TRPM3: variants seen among roughly 807,000 people sequenced by gnomAD.
TRPM3 encodes the protein transient receptor potential cation channel subfamily M member 3.
Under a neutral mutation model 181.2 loss-of-function variants are expected in TRPM3, and 77 were observed. That is an observed-to-expected ratio of 0.42 (90% CI 0.35 to 0.51). The LOEUF is 0.51. Among genes scored for constraint, TRPM3 ranks in the 20% least tolerant of loss-of-function variants. The pLI, the probability that TRPM3 is intolerant of heterozygous loss-of-function variation, is 0.01. For synonymous variants in TRPM3, 745 were observed against 796.4 expected, an observed-to-expected ratio of 0.94 and a Z score of 1.09; for missense variants, 1,759 against 2,196.7, an observed-to-expected ratio of 0.80 and a Z score of 3.98.
chr9:70,910,249 G>T (rs1055646947), intron 1 of TRPM3, among the ~76,000 whole-genome samples: 13 of 152,124 alleles, frequency 8.5e-5, no homozygotes, highest in African/African-American at 2.9e-4. Context: ...ACAAAAACAT[G>T]GGTGATTCTC....
intron 1 of TRPM3, among the ~76,000 whole-genome samples, chr9:71,270,249 C>T (rs1230698591): frequency 6.6e-6 from 1 of 152,136 alleles, no homozygotes; most frequent in East Asian, 1.9e-4. Flanking sequence ...ACTCAGGAGG[C>T]TGAGGCAGAA....
chr9:70,676,517 C>T (rs937150806), intron 9 of TRPM3, among the ~76,000 whole-genome samples: 8 of 152,136 alleles, frequency 5.3e-5, no homozygotes, highest in Non-Finnish European at 1.5e-5. Context: ...CTGATAAACA[C>T]CAAAGAGTTT....
chr9:70,742,303 A>T (rs572547919), intron 8 of TRPM3, among the ~76,000 whole-genome samples: 27 of 152,110 alleles, frequency 1.8e-4, no homozygotes, highest in African/African-American at 3.6e-4. Flanking sequence ...TACAATGAAA[A>T]TTTTTTTAAA....
intron 1 of TRPM3, among the ~76,000 whole-genome samples, chr9:71,354,956 A>C (rs1426113185): frequency 1.3e-5 from 2 of 152,220 alleles, no homozygotes; most frequent in Non-Finnish European, 2.9e-5. Context: ...CATTCTTAAC[A>C]CGTAAATTAT....
intron 8 of TRPM3, among the ~76,000 whole-genome samples, chr9:70,687,195 A>G (rs2067188070): frequency 6.6e-6 from 1 of 152,114 alleles, no homozygotes; most frequent in Non-Finnish European, 1.5e-5. Flanking sequence ...CATGATGAGC[A>G]CTTATAGAAT....
intron 1 of TRPM3, among the ~76,000 whole-genome samples, chr9:71,239,116 G>A: frequency 6.6e-6 from 1 of 152,048 alleles, no homozygotes; most frequent in East Asian, 1.9e-4. Flanking sequence ...TAAAACTCTG[G>A]TACCACAAAT....
upstream of TRPM3, among the ~76,000 whole-genome samples, chr9:71,122,027 C>G (rs965889135): frequency 1.3e-5 from 2 of 152,190 alleles, no homozygotes; most frequent in African/African-American, 4.8e-5. Flanking sequence ...GAGACAGAAG[C>G]AAACTCAAAC....
chr9:70,824,893 C>T (rs1298756606), intron 6 of TRPM3: 1 of 152,198 alleles, frequency 6.6e-6, no homozygotes, highest in Non-Finnish European at 1.5e-5. Flanking sequence ...TTTGTCAGTG[C>T]TGTTCTAGAG....
intron 1 of TRPM3, among the ~76,000 whole-genome samples, chr9:71,306,729 C>G (rs1021980099): frequency 6.6e-6 from 1 of 152,100 alleles, no homozygotes; most frequent in Admixed American, 6.5e-5. Flanking sequence ...CAAAAATTAG[C>G]TGGGTGTGGT....
chr9:70,798,858 G>C (rs1036101134), intron 6 of TRPM3, among the ~76,000 whole-genome samples: 10 of 152,148 alleles, frequency 6.6e-5, no homozygotes, highest in Non-Finnish European at 1.3e-4. Flanking sequence ...TAACTACGGG[G>C]CCTCAGCAGT....
At chr9:71,315,833 CT>C (rs762552374) in intron 1 of TRPM3, among the ~76,000 whole-genome samples, 11 of 152,154 alleles carry the variant, frequency 7.2e-5, no homozygotes, top group Middle Eastern at 3.4e-3. Context: ...AAATCTTGCC[CT>C]TGTTTTGATG....
chr9:70,626,273 G>A (rs2064585923), intron 12 of TRPM3, among the ~76,000 whole-genome samples: 1 of 152,188 alleles, frequency 6.6e-6, no homozygotes, highest in African/African-American at 2.4e-5. Context: ...AGTGCATAGT[G>A]AATTCCAAAG....
chr9:71,106,296 C>T (rs1034196118), intron 1 of TRPM3, among the ~76,000 whole-genome samples: 9 of 152,080 alleles, frequency 5.9e-5, no homozygotes, highest in African/African-American at 2.2e-4. Flanking sequence ...GAAATATAAT[C>T]CCCAGTGTTG....
At chr9:70,690,759 G>T (rs1318432483) in intron 8 of TRPM3, among the ~76,000 whole-genome samples, 1 of 152,104 alleles carries the variant, frequency 6.6e-6, no homozygotes, top group Non-Finnish European at 1.5e-5. Context: ...TCTTGATAGG[G>T]ATCCAAACAG....
chr9:71,015,097 C>A (rs1474600432), intron 1 of TRPM3, among the ~76,000 whole-genome samples: 2 of 152,260 alleles, frequency 1.3e-5, no homozygotes, highest in East Asian at 3.9e-4. Context: ...TTTCCTCAGA[C>A]TAACATGAGT....
intron 6 of TRPM3, among the ~76,000 whole-genome samples, chr9:70,808,654 T>C (rs2091223533): frequency 6.6e-6 from 1 of 152,220 alleles, no homozygotes; most frequent in Admixed American, 6.5e-5. Flanking sequence ...ATAGATTGTG[T>C]TGTTTATTCC....
At chr9:70,988,565 A>G (rs2097444520) in intron 1 of TRPM3, among the ~76,000 whole-genome samples, 1 of 152,218 alleles carries the variant, frequency 6.6e-6, no homozygotes, top group African/African-American at 2.4e-5. Context: ...ATGGGCCTCC[A>G]AGATTCCCAG....
At chr9:70,549,509 C>T (rs978486608) in intron 25 of TRPM3, 33 bp downstream of exon 25, 10 of 1,594,042 alleles carry the variant, frequency 6.3e-6, no homozygotes, top group Admixed American at 1.8e-5. Flanking sequence ...TGGCACAACA[C>T]ATCTGCAGGA....
chr9:71,013,618 TA>T (rs2097762932), intron 1 of TRPM3, among the ~76,000 whole-genome samples: 1 of 152,032 alleles, frequency 6.6e-6, no homozygotes, highest in Non-Finnish European at 1.5e-5. Context: ...GAAACCAGTT[TA>T]AGTCTTTTAT....
Sources: allele counts gnomAD v4.1 joint callset (sites outside exome capture counted in the v4.1 genomes callset), GRCh38; gene constraint gnomAD v4.1.1; transcripts MANE v1.5; gene names NCBI Gene and HGNC (gene_info 2026-07-23, HGNC 2026-07-21).